Variants in BLNK observed in about 807,000 individuals in gnomAD.
BLNK encodes the protein B-cell linker protein.
A neutral mutation model predicts 73.5 loss-of-function variants in BLNK; 29 were observed. The observed-to-expected ratio is 0.39, with a 90% CI of 0.29 to 0.54. The LOEUF (loss-of-function observed/expected upper bound fraction) is 0.54. Among genes scored for constraint, BLNK ranks in the 20% least tolerant of loss-of-function variants. The probability of loss-of-function intolerance (pLI) is 0.61; values close to 1 mark genes in which losing one functional copy is unlikely to be tolerated. For missense variants in BLNK, 460 were observed against 562.8 expected, an observed-to-expected ratio of 0.82 and a Z score of 1.85; for synonymous variants, 176 against 200.8, an observed-to-expected ratio of 0.88 and a Z score of 1.04.
intron 4 of BLNK, among the ~76,000 whole-genome samples, chr10:96,229,566 G>A (rs1842416337): frequency 6.6e-6 from 1 of 151,964 alleles, no homozygotes; most frequent in Non-Finnish European, 1.5e-5. Context: ...AAGTTCCCTT[G>A]TGTGCTCTTT....
At chr10:96,267,732 C>CAATAGACAA (rs1666544947) in intron 1 of BLNK, among the ~76,000 whole-genome samples, 1 of 152,100 alleles carries the variant, frequency 6.6e-6, no homozygotes, top group Non-Finnish European at 1.5e-5. Flanking sequence ...ATGTCAGAAT[C>CAATAGACAA]AATAGACAAA....
At chr10:96,237,223 G>A (rs1842726021) in intron 3 of BLNK, among the ~76,000 whole-genome samples, 1 of 152,208 alleles carries the variant, frequency 6.6e-6, no homozygotes, top group African/African-American at 2.4e-5. Flanking sequence ...AGGAGCACCA[G>A]GCCCATGACA....
chr10:96,202,157 G>C (rs1003167518), intron 13 of BLNK, among the ~76,000 whole-genome samples: 4 of 152,178 alleles, frequency 2.6e-5, no homozygotes, highest in Admixed American at 6.5e-5. Context: ...GAAGGGACCA[G>C]ATTTATAGGA....
At chr10:96,196,882 A>G in intron 16 of BLNK, 26 bp downstream of exon 16, 1 of 1,609,060 alleles carries the variant, frequency 6.2e-7, no homozygotes, top group Non-Finnish European at 8.5e-7. Flanking sequence ...TAGTTATAGA[A>G]TTGAATTTAA....
At chr10:96,223,105 G>A (rs1425855607) in intron 6 of BLNK, among the ~76,000 whole-genome samples, 2 of 152,078 alleles carry the variant, frequency 1.3e-5, no homozygotes, top group Non-Finnish European at 2.9e-5. Flanking sequence ...AAATGGCAGC[G>A]TTTAACTGGT....
chr10:96,207,327 C>T (rs782722333), intron 10 of BLNK, among the ~76,000 whole-genome samples: 1 of 152,140 alleles, frequency 6.6e-6, no homozygotes, highest in Non-Finnish European at 1.5e-5. Context: ...ATGACCCCCC[C>T]AGCAGCTGCC....
chr10:96,265,892 T>A (rs117371228), intron 1 of BLNK, among the ~76,000 whole-genome samples: 1,572 of 152,290 alleles, frequency 0.01, 16 homozygotes, highest in Non-Finnish European at 0.017. Context: ...GGGGACTAAC[T>A]ACTAGTGTCT....
At chr10:96,237,426 A>G (rs1554905305) in intron 3 of BLNK, among the ~76,000 whole-genome samples, 5 of 152,162 alleles carry the variant, frequency 3.3e-5, no homozygotes, top group Non-Finnish European at 2.9e-5. Context: ...GCATGATAGC[A>G]GAGCCAGAGG....
chr10:96,242,909 A>G (rs1299769103), intron 2 of BLNK, 125 bp from the exon 3 acceptor site: 1 of 827,960 alleles, frequency 1.2e-6, no homozygotes, highest in Non-Finnish European at 2.1e-6. Context: ...TCTTGGACCA[A>G]TCAATGGACA....
At chr10:96,207,240 C>T (rs2083838862) in intron 10 of BLNK, among the ~76,000 whole-genome samples, 187 bp from the exon 11 acceptor site, 3 of 152,194 alleles carry the variant, frequency 2.0e-5, no homozygotes, top group Admixed American at 2.0e-4. Flanking sequence ...AACAAACAGC[C>T]AGAAGTGTCC....
intron 5 of BLNK, among the ~76,000 whole-genome samples, chr10:96,226,163 AC>A (rs1842250638): frequency 6.6e-6 from 1 of 152,084 alleles, no homozygotes; most frequent in Non-Finnish European, 1.5e-5. Context: ...CACTCCTCTG[AC>A]CTCTTTCAGG....
intron 1 of BLNK, 41 bp downstream of exon 1, chr10:96,271,311 A>T (rs1844260262): frequency 6.2e-7 from 1 of 1,605,742 alleles, no homozygotes; most frequent in South Asian, 1.1e-5. Flanking sequence ...TGGGGGGAAA[A>T]AAAGGAGATG....
intron 1 of BLNK, among the ~76,000 whole-genome samples, chr10:96,252,817 C>T (rs1843340928): frequency 6.6e-6 from 1 of 152,046 alleles, no homozygotes; most frequent in Non-Finnish European, 1.5e-5. Flanking sequence ...GACCATTTTG[C>T]CATTGCTATT....
chr10:96,269,989 T>G (rs1844200420), intron 1 of BLNK, among the ~76,000 whole-genome samples: 1 of 152,172 alleles, frequency 6.6e-6, no homozygotes, highest in African/African-American at 2.4e-5. Flanking sequence ...TGAAACCTCC[T>G]CCTGCTACTC....
At chr10:96,242,830 G>T (rs782065945) in intron 2 of BLNK, 46 bp from the exon 3 acceptor site, 2 of 1,505,156 alleles carry the variant, frequency 1.3e-6, no homozygotes, top group South Asian at 1.1e-5. Context: ...GCAGAACAAT[G>T]ATGGTCAAAG....
intron 3 of BLNK, among the ~76,000 whole-genome samples, chr10:96,240,009 C>A (rs17111506): frequency 3.3e-5 from 5 of 152,018 alleles, no homozygotes; most frequent in Non-Finnish European, 5.9e-5. Flanking sequence ...CATTTGTCCC[C>A]GAATCCTCAA....
In BLNK at chr10:96,271,467, A is replaced by G. The variant is rs1844268429; in HGVS notation, c.-69T>C. 1.3e-6 allele frequency: 2 copies of G among 1,518,026 alleles called. No individual in the cohort carries two copies. The highest frequency in any genetic ancestry group is 2.7e-5 in the African/African-American group (2 of 72,774). The allele number at this position is 1,518,026 out of a possible 1,614,324, so 94.0% of individuals were successfully genotyped here. ...CACGTCAGCAGTTCCTGGCCCTCCT[A>G]GGGAGCAGCATGGTAAGCCTCTGGT... On this transcript the variant is annotated 5_prime_UTR_variant, in exon 1 of 17. Transcript: ENST00000224337.
At chr10:96,199,917 G>T in intron 15 of BLNK, 158 bp downstream of exon 15, 1 of 370,404 alleles carries the variant, frequency 2.7e-6, no homozygotes, top group Non-Finnish European at 4.6e-6. Context: ...CCAGCTGCTT[G>T]GGAGGCTGAG....
chr10:96,262,506 C>T (rs1360354279), intron 1 of BLNK, among the ~76,000 whole-genome samples: 1 of 152,204 alleles, frequency 6.6e-6, no homozygotes, highest in African/African-American at 2.4e-5. Context: ...AGACCACAAG[C>T]TGGTAAGTGC....
Sources: gnomAD v4.1 joint callset for allele counts (sites outside exome capture counted in the v4.1 genomes callset) on GRCh38, gnomAD v4.1.1 for gene constraint, MANE v1.5 for transcripts, NCBI Gene and HGNC (gene_info 2026-07-23, HGNC 2026-07-21) for gene names.